Variants in TAFA2 observed in about 807,000 individuals in gnomAD.
The protein encoded by TAFA2 is TAFA chemokine like family member 2.
A neutral mutation model predicts 18.8 loss-of-function variants in TAFA2; 7 were observed. The observed-to-expected ratio is 0.37, with a 90% CI of 0.21 to 0.70. The LOEUF (loss-of-function observed/expected upper bound fraction) is 0.70, where lower values mean the gene tolerates loss of function less well. Among genes scored for constraint, TAFA2 ranks in the 30% least tolerant of loss-of-function variants. The pLI is 0.53. For missense variants in TAFA2, 122 were observed against 158.1 expected, an observed-to-expected ratio of 0.77 and a Z score of 1.23; for synonymous variants, 60 against 54.2, an observed-to-expected ratio of 1.11 and a Z score of -0.47.
At chr12:61,722,330 C>T (rs968893564) in intron 4 of TAFA2, among the ~76,000 whole-genome samples, 44 of 152,128 alleles carry the variant, frequency 2.9e-4, no homozygotes, top group African/African-American at 9.9e-4. Flanking sequence ...CTTATCACTG[C>T]TAATCCTGGC....
At chr12:61,886,711 G>A (rs1875398669) in intron 1 of TAFA2, among the ~76,000 whole-genome samples, 1 of 152,162 alleles carries the variant, frequency 6.6e-6, no homozygotes, top group African/African-American at 2.4e-5. Context: ...TTAACAAAAG[G>A]ATTGGTTTTT....
chr12:61,961,624 G>A (rs569557742), intron 1 of TAFA2, among the ~76,000 whole-genome samples: 2 of 151,936 alleles, frequency 1.3e-5, no homozygotes, highest in Admixed American at 1.3e-4. Context: ...CTCATCCAAG[G>A]TCACAGAAAA....
chr12:61,925,599 A>G (rs1470910333), intron 1 of TAFA2, among the ~76,000 whole-genome samples: 1 of 152,220 alleles, frequency 6.6e-6, no homozygotes, highest in Non-Finnish European at 1.5e-5. Flanking sequence ...TCTGTACCAG[A>G]TAAAGCAGTG....
At chr12:61,954,416 AT>A (rs1338442045) in intron 1 of TAFA2, among the ~76,000 whole-genome samples, 2 of 152,170 alleles carry the variant, frequency 1.3e-5, no homozygotes, top group Non-Finnish European at 2.9e-5. Flanking sequence ...AGCATTTGGA[AT>A]TTGTAATATA....
intron 1 of TAFA2, among the ~76,000 whole-genome samples, chr12:62,064,752 T>G (rs1882442911): frequency 6.6e-6 from 1 of 152,080 alleles, no homozygotes; most frequent in East Asian, 1.9e-4. Context: ...TACACTTTAG[T>G]TCACTATGTA....
rs1379894481 is a variant in TAFA2 at position 61,935,169 on chromosome 12, A to G, written c.-1-67743T>C. On this transcript the variant is annotated intron_variant, in intron 1 of 4. Transcript: ENST00000416284. ...AAGAATGTTAATTCTATGATGGTAT[A>G]TTTTATTTTTAGAATGTCTGGTTCT... 3.9e-5 allele frequency among the ~76,000 whole-genome samples: 6 copies of G among 152,210 alleles called. No individual in the cohort carries two copies. The East Asian group carries it at 1.2e-3, about 29-fold the overall frequency.
chr12:61,796,633 T>C (rs1451377655), intron 2 of TAFA2, among the ~76,000 whole-genome samples: 1 of 152,140 alleles, frequency 6.6e-6, no homozygotes, highest in African/African-American at 2.4e-5. Flanking sequence ...AAGAAAATAA[T>C]TTCTTAAATG....
At chr12:62,143,569 A>T (rs2062255605) in intron 1 of TAFA2, among the ~76,000 whole-genome samples, 1 of 152,128 alleles carries the variant, frequency 6.6e-6, no homozygotes, top group African/African-American at 2.4e-5. Context: ...AGCATGTGCC[A>T]TTCATGTGAT....
At chr12:61,984,315 C>A (rs1879742998) in intron 1 of TAFA2, among the ~76,000 whole-genome samples, 1 of 152,212 alleles carries the variant, frequency 6.6e-6, no homozygotes, top group Non-Finnish European at 1.5e-5. Context: ...ATGGGGCTTA[C>A]ATTCATGCAA....
Position 62,147,624 on chromosome 12 carries a change from G to T in TAFA2, c.-2+43635C>A, listed in dbSNP as rs552120021. Reference sequence around the variant, plus strand: ...GGGGGCCTGTAGTCCCAGCTACTTGGGAGGCTGAGGCAGGAGAATGGGGTG... The same window carrying T: ...GGGGGCCTGTAGTCCCAGCTACTTGTGAGGCTGAGGCAGGAGAATGGGGTG... On this transcript the variant is annotated intron_variant, in intron 1 of 4. Transcript: ENST00000416284. Among the ~76,000 whole-genome samples the T allele has an allele frequency of 4.0e-3, 597 of 149,612 alleles. 3 individuals are homozygous for T. The highest frequency in any genetic ancestry group is 6.7e-3 in the Non-Finnish European group (453 of 67,492).
chr12:61,796,137 AT>A (rs1020911084), intron 2 of TAFA2, among the ~76,000 whole-genome samples: 12 of 152,084 alleles, frequency 7.9e-5, no homozygotes, highest in African/African-American at 2.7e-4. Context: ...CCTCCTAGCA[AT>A]TTTCCCAAAA....
intron 1 of TAFA2, among the ~76,000 whole-genome samples, chr12:61,870,175 C>T (rs915874461): frequency 1.3e-5 from 2 of 152,166 alleles, no homozygotes; most frequent in Non-Finnish European, 2.9e-5. Flanking sequence ...TTCTTCTTTT[C>T]GTAACATCGT....
At chr12:62,211,339 G>T (rs1215347574) in intron 1 of TAFA2, among the ~76,000 whole-genome samples, 6 of 152,104 alleles carry the variant, frequency 3.9e-5, no homozygotes, top group Non-Finnish European at 8.8e-5. Context: ...CAGCACTTTG[G>T]CAGGCCAAGG....
At chr12:61,871,066 G>A (rs552827291) in intron 1 of TAFA2, among the ~76,000 whole-genome samples, 90 of 152,242 alleles carry the variant, frequency 5.9e-4, no homozygotes, top group African/African-American at 2.1e-3. Flanking sequence ...GAGGAAGGAA[G>A]TGTGTGTCAT....
At position 61,943,709 on chromosome 12, in the gene TAFA2, G is replaced by A. The variant is rs574402145; in HGVS notation, c.-1-76283C>T. ...ACAAAGATCAGAAGAGACAAAGAAG[G>A]CCATTACATAATGGTAAAGGGATCA... is the stretch of plus-strand genomic sequence containing the variant. On this transcript the variant is annotated intron_variant, in intron 1 of 4. Transcript: ENST00000416284. Among the ~76,000 whole-genome samples the A allele has an allele frequency of 8.0e-3, 1,215 of 151,812 alleles. 15 individuals carry two copies. The highest frequency in any genetic ancestry group is 0.028 in the African/African-American group (1,173 of 41,348).
At chr12:62,098,497 A>G (rs1869045346) in intron 1 of TAFA2, among the ~76,000 whole-genome samples, 1 of 149,764 alleles carries the variant, frequency 6.7e-6, no homozygotes, top group Non-Finnish European at 1.5e-5. Context: ...AAAAATAGAC[A>G]TTTAGGTTAA....
At chr12:62,106,673 A>G (rs139658500) in intron 1 of TAFA2, among the ~76,000 whole-genome samples, 84 of 152,320 alleles carry the variant, frequency 5.5e-4, no homozygotes, top group African/African-American at 1.9e-3. Flanking sequence ...ACTTTTCTTT[A>G]GTATACTCCC....
chr12:61,818,488 A>AC (rs1565644699), intron 2 of TAFA2, among the ~76,000 whole-genome samples: 5 of 118,764 alleles, frequency 4.2e-5, no homozygotes, highest in Admixed American at 2.5e-4. Context: ...GTCTCAAAAA[A>AC]ATACACACAC....
intron 1 of TAFA2, among the ~76,000 whole-genome samples, chr12:61,940,379 G>C (rs775211964): frequency 6.6e-6 from 1 of 152,230 alleles, no homozygotes; most frequent in Non-Finnish European, 1.5e-5. Context: ...ATTAGGAAAC[G>C]TGTGTTGGCA....
Sources: gnomAD v4.1 joint callset for allele counts (sites outside exome capture counted in the v4.1 genomes callset) on GRCh38, gnomAD v4.1.1 for gene constraint, MANE v1.5 for transcripts, NCBI Gene and HGNC (gene_info 2026-07-23, HGNC 2026-07-21) for gene names.